CACNA1A: variants seen among roughly 807,000 people sequenced by gnomAD.
CACNA1A encodes calcium voltage-gated channel subunit alpha1 A.
In CACNA1A, 57 loss-of-function variants were observed where a neutral mutation model predicts 262.4. The ratio of observed to expected loss-of-function variants is 0.22; its 90% confidence interval spans 0.18 to 0.27. The LOEUF is 0.27. Ranked by LOEUF, CACNA1A falls within the 10% of genes least tolerant of loss-of-function variation. The pLI, the probability that CACNA1A is intolerant of heterozygous loss-of-function variation, is 1.00. For synonymous variants in CACNA1A, 1,431 were observed against 1,419.3 expected (o/e 1.01, Z -0.18); for missense variants, 2,526 against 3,562.8 (o/e 0.71, Z 7.41).
chr19:13,264,877 C>CTT (rs33923652), intron 24 of CACNA1A, among the ~76,000 whole-genome samples: 10 of 136,078 alleles, frequency 7.3e-5, no homozygotes, highest in East Asian at 2.4e-4. Context: ...TCCCTTTAAT[C>CTT]TTTTTTTTTT....
chr19:13,222,975 A>G (rs987457617), intron 38 of CACNA1A, among the ~76,000 whole-genome samples: 4 of 151,938 alleles, frequency 2.6e-5, no homozygotes, highest in Admixed American at 6.5e-5. Flanking sequence ...TTACAGGCGT[A>G]AGCCACTGCG....
rs56868654 is a variant in CACNA1A, at chr19:13,490,692, GGAAAGAAAGAAAGAAAGAAAGAAA to G, written c.293+15216_293+15239del. 2.1e-3 allele frequency among the ~76,000 whole-genome samples: 283 copies of G among 132,698 alleles called. 4 individuals carry two copies. Among genetic ancestry groups the G allele is most frequent in the African/African-American group, 7.2e-3 (248 of 34,684 alleles). 87.1% of individuals were successfully genotyped at this position (132,698 alleles called of 152,430 possible). A position where few individuals can be genotyped will look rare whatever the true frequency, so the allele number is the denominator to read the frequency against. ...AGAAAGAGAGAGAGAGAGAAAGAAA[GGAAAGAAAGAAAGAAAGAAAGAAA>G]GAAAGAAAGAAAGAAAGAGAAAAGA... On this transcript the variant is annotated intron_variant, in intron 1 of 46. Transcript: ENST00000360228.
chr19:13,454,377 TC>T (rs975576329), intron 2 of CACNA1A, among the ~76,000 whole-genome samples: 3 of 151,160 alleles, frequency 2.0e-5, no homozygotes, highest in Admixed American at 1.3e-4. Flanking sequence ...TTTTTTCGCC[TC>T]CCCCCCACCA....
At chr19:13,264,769 T>C (rs901836406) in intron 24 of CACNA1A, among the ~76,000 whole-genome samples, 3 of 152,224 alleles carry the variant, frequency 2.0e-5, no homozygotes, top group Non-Finnish European at 4.4e-5. Flanking sequence ...CTATGTGCTA[T>C]TTCGGAGTTA....
chr19:13,402,632 G>A (rs1310490358), intron 3 of CACNA1A, among the ~76,000 whole-genome samples: 2 of 150,290 alleles, frequency 1.3e-5, no homozygotes, highest in Non-Finnish European at 3.0e-5. Flanking sequence ...TGAAAAAATA[G>A]TATGTGGGTA....
chr19:13,294,251 A>G, intron 19 of CACNA1A, among the ~76,000 whole-genome samples: 1 of 151,914 alleles, frequency 6.6e-6, no homozygotes, highest in South Asian at 2.1e-4. Context: ...CAACAAACTA[A>G]AGGCACAGAT....
At chr19:13,213,988 T>C in intron 40 of CACNA1A, 1 of 493,964 alleles carries the variant, frequency 2.0e-6, no homozygotes, top group South Asian at 2.3e-5. Context: ...GCCTGGCTAA[T>C]GTTTTATTTT....
At chr19:13,379,330 T>C (rs2059473560) in intron 3 of CACNA1A, among the ~76,000 whole-genome samples, 2 of 152,152 alleles carry the variant, frequency 1.3e-5, no homozygotes, top group East Asian at 1.9e-4. Flanking sequence ...AATGCTATCA[T>C]GCACTTAACA....
chr19:13,432,627 T>C (rs2144837570), intron 3 of CACNA1A, among the ~76,000 whole-genome samples: 1 of 151,116 alleles, frequency 6.6e-6, no homozygotes, highest in South Asian at 2.1e-4. Flanking sequence ...CCACAATTAA[T>C]GATAACGTAT....
At position 13,207,892 on chromosome 19, in the gene CACNA1A, CTGCT is replaced by C; in HGVS notation, c.6938_6941del (p.Gln2313ArgfsTer294). 7.0e-7 allele frequency: 1 copy of C among 1,432,588 alleles called. No homozygotes were observed. Among genetic ancestry groups the C allele is most frequent in the Admixed American group, 2.4e-5 (1 of 41,342 alleles). The allele number at this position is 1,432,588 out of a possible 1,614,324, so 88.7% of individuals were successfully genotyped here. The stretch of plus-strand genomic sequence containing the variant: ...GCTGCTGCTGCTGCTGCTGCTGCTG[CTGCT>C]GCGGGGGCCCCGAGCCGCCGGCCTT... On this transcript the variant is annotated frameshift_variant, in exon 47 of 47. Coordinates refer to ENST00000360228, the MANE Select transcript of CACNA1A (RefSeq NM_001127222.2). LOFTEE classifies it low-confidence loss of function (END_TRUNC). The surrounding 1 kb of genome is among the most constrained non-coding windows in gnomAD (Gnocchi z 5.7).
chr19:13,415,743 TAAAAAAAAA>T (rs71170510), intron 3 of CACNA1A, among the ~76,000 whole-genome samples: 42 of 42,512 alleles, frequency 9.9e-4, no homozygotes, highest in Middle Eastern at 0.021. Context: ...CTGTCTCAAT[TAAAAAAAAA>T]AAAAAAAAAA....
At chr19:13,300,726 TG>T in intron 17 of CACNA1A, 70 bp from the exon 18 acceptor site, 1 of 1,235,780 alleles carries the variant, frequency 8.1e-7, no homozygotes. Context: ...CTGACCCTGT[TG>T]CTGACCAGGG....
At chr19:13,344,075 G>T (rs2058719675) in intron 6 of CACNA1A, among the ~76,000 whole-genome samples, 1 of 152,026 alleles carries the variant, frequency 6.6e-6, no homozygotes, top group African/African-American at 2.4e-5. Flanking sequence ...TTAGCTGGGT[G>T]TGGTGCTGTG....
At chr19:13,460,498 G>A (rs886213304) in intron 1 of CACNA1A, among the ~76,000 whole-genome samples, 1 of 152,112 alleles carries the variant, frequency 6.6e-6, no homozygotes, top group Non-Finnish European at 1.5e-5. Flanking sequence ...GTTGGAATGC[G>A]ACAAAAGCAG....
At chr19:13,471,285 G>A (rs193025927) in intron 1 of CACNA1A, among the ~76,000 whole-genome samples, 162 of 152,244 alleles carry the variant, frequency 1.1e-3, no homozygotes, top group African/African-American at 3.7e-3. Context: ...TGGTGGACAG[G>A]ATTCAAACCA....
intron 12 of CACNA1A, among the ~76,000 whole-genome samples, chr19:13,310,594 CCTT>C (rs1317101320): frequency 2.1e-5 from 3 of 143,312 alleles, no homozygotes; most frequent in Non-Finnish European, 4.5e-5. Flanking sequence ...GCTCCTGCCT[CCTT>C]CTGTGCCATG....
chr19:13,294,546 G>A lies in CACNA1A; in HGVS notation c.3089+3998C>T, dbSNP rs918454946. Among the ~76,000 whole-genome samples, 16 of 139,434 alleles carry A rather than the reference G, an allele frequency of 1.1e-4. No individual in the cohort carries two copies. The Admixed American group carries it at 1.3e-3, about 11-fold the overall frequency. The allele number at this position is 139,434 out of a possible 152,430, so 91.5% of individuals were successfully genotyped here. A position where few individuals can be genotyped will look rare whatever the true frequency, so the allele number is the denominator to read the frequency against. ...CTTGTTCTGTTGCCCAGGCTGGAGT[G>A]CAGTGGTGTGATCTCAGCTCACTGT... On this transcript the variant is annotated intron_variant, in intron 19 of 46. Transcript: ENST00000360228.
chr19:13,228,636 T>G, intron 36 of CACNA1A: 1 of 496,250 alleles, frequency 2.0e-6, no homozygotes, highest in Non-Finnish European at 3.5e-6. Context: ...GAAATATATA[T>G]ATTGAAGAAC....
intron 30 of CACNA1A, among the ~76,000 whole-genome samples, chr19:13,249,010 T>G (rs1600167345): frequency 6.6e-6 from 1 of 152,174 alleles, no homozygotes; most frequent in South Asian, 2.1e-4. Flanking sequence ...GTGTTGTTGC[T>G]CAGGCTGGAG....
Sources: gnomAD v4.1 joint callset for allele counts (sites outside exome capture counted in the v4.1 genomes callset) on GRCh38, gnomAD v4.1.1 for gene constraint, Gnocchi (gnomAD v3.1) non-coding constraint, MANE v1.5 for transcripts, NCBI Gene and HGNC (gene_info 2026-07-23, HGNC 2026-07-21) for gene names.